The following SLC35D3 variants were observed in gnomAD, a reference collection of about 807,000 sequenced individuals.
The protein encoded by SLC35D3 is solute carrier family 35 member D3.
SLC35D3 carries 18 observed loss-of-function variants against 20.3 expected under a neutral mutation model. The observed-to-expected ratio is 0.89, with a 90% CI of 0.61 to 1.32. The LOEUF is 1.32. SLC35D3 is among the 40% of genes most tolerant of loss of function. The probability of loss-of-function intolerance (pLI) is 0.00; values close to 1 mark genes in which losing one functional copy is unlikely to be tolerated. For synonymous variants in SLC35D3, 313 were observed against 263.5 expected (o/e 1.19, Z -1.82); for missense variants, 556 against 565.5 (o/e 0.98, Z 0.17).
Position 136,924,397 on chromosome 6 carries a change from C to G in SLC35D3, c.952C>G (p.Pro318Ala). The change falls in exon 2 of 2, where the codon CCT becomes GCT. Residue 318 changes from proline (P) to alanine (A), a missense_variant. Pro to Ala is a conservative substitution (Grantham distance 27). Coordinates refer to ENST00000331858, the MANE Select transcript of SLC35D3 (RefSeq NM_001008783.3). ...QSNYEDLEAQ[P>A]RGEEAQLSGD... ...CAACTACGAGGACCTGGAGGCCCAG[C>G]CTCGGGGAGAGGAGGCGCAGCTAAG... is the stretch of plus-strand genomic sequence containing the variant. 6.2e-7 allele frequency: 1 copy of G among 1,614,034 alleles called. No homozygotes were observed. Among genetic ancestry groups the G allele is most frequent in the Non-Finnish European group, 8.5e-7 (1 of 1,179,998 alleles).
Position 136,922,830 on chromosome 6 carries a change from G to A in SLC35D3, c.402G>A (p.Ala134=). 6.4e-7 allele frequency: 1 copy of A among 1,552,750 alleles called. No homozygotes were observed. The highest frequency in any genetic ancestry group is 8.7e-7 in the Non-Finnish European group (1 of 1,150,924). ...KNGAPSPGVL[A]AVLITTCGAA... ...GCGCGCCCTCGCCAGGGGTGCTGGC[G>A]GCGGTGCTCATCACCACCTGCGGCG... Residue 134 remains alanine (A), a synonymous_variant, in exon 1 of 2, where the codon GCG becomes GCA. Coordinates refer to ENST00000331858, the MANE Select transcript of SLC35D3 (RefSeq NM_001008783.3). This position sits in a 1 kb window ranked among gnomAD's most constrained non-coding sequence, Gnocchi z 6.8.
At position 136,922,320 on chromosome 6, in the gene SLC35D3, T is replaced by TCGCCGCCGCGCTGGGCGGGCGC; in HGVS notation, c.-107_-86dup. The TCGCCGCCGCGCTGGGCGGGCGC allele has an allele frequency of 9.8e-7, 1 of 1,020,950 alleles. No individual in the cohort carries two copies. The highest frequency in any genetic ancestry group is 1.2e-6 in the Non-Finnish European group (1 of 816,548). 63.2% of individuals were successfully genotyped at this position (1,020,950 alleles called of 1,614,324 possible). ...CAGCCGAGCCGGCGCCCCCTGCCCT[T>TCGCCGCCGCGCTGGGCGGGCGC]CGCCGCCGCGCTGGGCGGGCGCCCC... On this transcript the variant is annotated 5_prime_UTR_variant, in exon 1 of 2. Transcript: ENST00000331858. This position sits in a 1 kb window ranked among gnomAD's most constrained non-coding sequence, Gnocchi z 6.8.
chr6:136,924,406 G>A lies in SLC35D3; in HGVS notation c.961G>A (p.Glu321Lys), dbSNP rs80151758. 628 of 1,614,060 alleles carry A rather than the reference G, an allele frequency of 3.9e-4. 3 individuals carry two copies. The African/African-American group carries it at 7.8e-3, about 20-fold the overall frequency. ...YEDLEAQPRG[E>K]EAQLSGDQLP... ...GGACCTGGAGGCCCAGCCTCGGGGA[G>A]AGGAGGCGCAGCTAAGTGGAGACCA... The change falls in exon 2 of 2, where the codon GAG becomes AAG. Residue 321 changes from glutamate (E) to lysine (K), a missense_variant. Transcript: ENST00000331858.
chr6:136,922,669 G>A lies in SLC35D3; in HGVS notation c.241G>A (p.Val81Ile), dbSNP rs757476650. ...GAGCCTGGCGCGCTCCTTCGCGGGG[G>A]TCGCGGTGCTCTCCACGCTGCAGTC... ...GLSLARSFAG[V>I]AVLSTLQSSL... The change falls in exon 1 of 2, where the codon GTC (valine) becomes ATC (isoleucine). Residue 81 changes from valine to isoleucine, a missense_variant. Coordinates refer to ENST00000331858, the MANE Select transcript of SLC35D3 (RefSeq NM_001008783.3). This position sits in a 1 kb window ranked among gnomAD's most constrained non-coding sequence, Gnocchi z 6.8. The A allele has an allele frequency of 3.1e-6, 5 of 1,606,150 alleles. No individual in the cohort carries two copies. The highest frequency in any genetic ancestry group is 2.7e-5 in the African/African-American group (2 of 74,844).
At position 136,923,819 on chromosome 6, in the gene SLC35D3, C is replaced by G. The variant is rs139797380; in HGVS notation, c.440-66C>G. 10,625 of 1,422,470 alleles carry G rather than the reference C, an allele frequency of 7.5e-3. 45 individuals carry two copies. The highest frequency in any genetic ancestry group is 8.5e-3 in the Non-Finnish European group (9,171 of 1,080,292). The allele number at this position is 1,422,470 out of a possible 1,614,324, so 88.1% of individuals were successfully genotyped here. A position where few individuals can be genotyped will look rare whatever the true frequency, so the allele number is the denominator to read the frequency against. On this transcript the variant is annotated intron_variant, in intron 1 of 1. Coordinates refer to ENST00000331858, the MANE Select transcript of SLC35D3 (RefSeq NM_001008783.3). This position sits in a 1 kb window ranked among gnomAD's most constrained non-coding sequence, Gnocchi z 6.2. ...TTTTCCCCGTGGGTCCCCGCCCACG[C>G]CAACCTGCTGTCTTCTCTCTTTTTC...
In SLC35D3 at chr6:136,923,568, C is replaced by T. The variant is rs1490396559; in HGVS notation, c.440-317C>T. Among the ~76,000 whole-genome samples the T allele has an allele frequency of 6.6e-6, 1 of 152,200 alleles. No individual in the cohort carries two copies. The highest frequency in any genetic ancestry group is 1.5e-5 in the Non-Finnish European group (1 of 68,028). ...CGCCCAAGTGACCTCGGTGCCAGCT[C>T]GGGGAAGCCACAGCACCTGCCCCGA... On this transcript the variant is annotated intron_variant, in intron 1 of 1. Coordinates refer to ENST00000331858, the MANE Select transcript of SLC35D3 (RefSeq NM_001008783.3). This position sits in a 1 kb window ranked among gnomAD's most constrained non-coding sequence, Gnocchi z 6.2.
chr6:136,924,537 G>C lies in SLC35D3; in HGVS notation c.1092G>C (p.Arg364Ser), dbSNP rs1582791167. The part of the protein sequence containing the change: ...GPAQESRQEV[R>S]GSPRGVPLVA... Reference sequence around the variant, plus strand: ...CTCAGGAGAGCAGGCAAGAGGTCAGGGGCAGCCCCCGAGGAGTCCCGCTGG... The same window carrying C: ...CTCAGGAGAGCAGGCAAGAGGTCAGCGGCAGCCCCCGAGGAGTCCCGCTGG... Residue 364 changes from arginine (R) to serine (S), a missense_variant, in exon 2 of 2, where the codon AGG becomes AGC. Coordinates refer to ENST00000331858, the MANE Select transcript of SLC35D3 (RefSeq NM_001008783.3). 6.2e-7 allele frequency: 1 copy of C among 1,613,436 alleles called. No individual in the cohort carries two copies. Among genetic ancestry groups the C allele is most frequent in the East Asian group, 2.2e-5 (1 of 44,876 alleles).
chr6:136,922,379 C>T lies in SLC35D3; in HGVS notation c.-50C>T. Reference sequence around the variant, plus strand: ...TCACTCCGCTGCTCCCGGCTCCTCGCGCGCAGGTCGCGGAGCTCCGCCACC... The same window carrying T: ...TCACTCCGCTGCTCCCGGCTCCTCGTGCGCAGGTCGCGGAGCTCCGCCACC... On this transcript the variant is annotated 5_prime_UTR_variant, in exon 1 of 2. Coordinates refer to ENST00000331858, the MANE Select transcript of SLC35D3 (RefSeq NM_001008783.3). This position sits in a 1 kb window ranked among gnomAD's most constrained non-coding sequence, Gnocchi z 6.8. The T allele has an allele frequency of 7.2e-7, 1 of 1,380,500 alleles. No individual in the cohort carries two copies. Among genetic ancestry groups the T allele is most frequent in the Non-Finnish European group, 9.3e-7 (1 of 1,074,406 alleles). 85.5% of individuals were successfully genotyped at this position (1,380,500 alleles called of 1,614,324 possible). A position where few individuals can be genotyped will look rare whatever the true frequency, so the allele number is the denominator to read the frequency against.
chr6:136,923,412 G>C lies in SLC35D3; in HGVS notation c.440-473G>C, dbSNP rs1184463220. 6.6e-6 allele frequency among the ~76,000 whole-genome samples: 1 copy of C among 152,160 alleles called. No homozygotes were observed. Among genetic ancestry groups the C allele is most frequent in the Non-Finnish European group, 1.5e-5 (1 of 68,030 alleles). ...AGCGAGACGAGAGCCTGGGCAGGGGGAAGCTTCACTGGGGGCCAGAACAGG... is the reference window on the plus strand; with the variant it reads ...AGCGAGACGAGAGCCTGGGCAGGGGCAAGCTTCACTGGGGGCCAGAACAGG... On this transcript the variant is annotated intron_variant, in intron 1 of 1. Transcript: ENST00000331858. This position sits in a 1 kb window ranked among gnomAD's most constrained non-coding sequence, Gnocchi z 6.2.
chr6:136,922,592 G>C lies in SLC35D3; in HGVS notation c.164G>C (p.Ser55Thr). Reference sequence around the variant, plus strand: ...CTGACCAGCTCCACCGCGGCGCTGAGCCTGGAGCTGCTGCGGCGCCTCGGG... The same window carrying C: ...CTGACCAGCTCCACCGCGGCGCTGACCCTGGAGCTGCTGCGGCGCCTCGGG... ...QCLTSSTAALSLELLRRLGLI... is the reference protein window; with the variant it reads ...QCLTSSTAALTLELLRRLGLI... Residue 55 changes from serine (S) to threonine (T), a missense_variant, in exon 1 of 2, where the codon AGC (serine) becomes ACC (threonine). By Grantham distance (58) the Ser-to-Thr change is moderately conservative (BLOSUM62 1). Transcript: ENST00000331858. The surrounding 1 kb of genome is among the most constrained non-coding windows in gnomAD (Gnocchi z 6.8). 6.2e-7 allele frequency: 1 copy of C among 1,612,174 alleles called. No individual in the cohort carries two copies. The highest frequency in any genetic ancestry group is 8.5e-7 in the Non-Finnish European group (1 of 1,179,716).
At position 136,923,529 on chromosome 6, in the gene SLC35D3, G is replaced by A. The variant is rs572705015; in HGVS notation, c.440-356G>A. Among the ~76,000 whole-genome samples, 3 of 152,210 alleles carry A rather than the reference G, an allele frequency of 2.0e-5. No homozygotes were observed. The highest frequency in any genetic ancestry group is 4.8e-5 in the African/African-American group (2 of 41,464). On this transcript the variant is annotated intron_variant, in intron 1 of 1. Transcript: ENST00000331858. The surrounding 1 kb of genome is among the most constrained non-coding windows in gnomAD (Gnocchi z 6.2). ...TGCCCCACGGGGCAGGGGCTCCGGG[G>A]TGCAGGTACCACGCGCCCAAGTGAC...
rs948472878 is a variant in SLC35D3, at chr6:136,923,854, C to T, written c.440-31C>T. On this transcript the variant is annotated intron_variant, in intron 1 of 1. Transcript: ENST00000331858. The surrounding 1 kb of genome is among the most constrained non-coding windows in gnomAD (Gnocchi z 6.2). ...GTCTTCTCTCTTTTTCCTTCCCGCC[C>T]GGGCTCGGCCGTCCTCCTCGTGCGC... 46 of 1,475,790 alleles carry T rather than the reference C, an allele frequency of 3.1e-5. No individual in the cohort carries two copies. In the African/African-American group the frequency reaches 5.3e-4, roughly 17 times the overall value. 91.4% of individuals were successfully genotyped at this position (1,475,790 alleles called of 1,614,324 possible).
At position 136,924,675 on chromosome 6, in the gene SLC35D3, C is replaced by T; in HGVS notation, c.1230C>T (p.Asn410=). 1 of 1,612,216 alleles carries T rather than the reference C, an allele frequency of 6.2e-7. No individual in the cohort carries two copies. ...RYMKKDYLIE[N]EELPSP ...TGAAGAAGGATTATTTGATAGAAAA[C>T]GAGGAGTTACCCAGTCCTTGAGAAG... The change falls in exon 2 of 2, where the codon AAC becomes AAT. Residue 410 remains asparagine (N), a synonymous_variant. Transcript: ENST00000331858.
Position 136,924,592 on chromosome 6 carries a change from A to G in SLC35D3, c.1147A>G (p.Arg383Gly). The change falls in exon 2 of 2, where the codon AGG becomes GGG. Residue 383 changes from arginine to glycine, a missense_variant. By Grantham distance (125) the Arg-to-Gly change is moderately radical. Transcript: ENST00000331858. ...TGGGAGCTCTGAAGAAGGGAGCAGG[A>G]GGTCGTTAAAAGATGCTTACCTCGA... ...VAGSSEEGSR[R>G]SLKDAYLEVW... 1.2e-6 allele frequency: 2 copies of G among 1,613,990 alleles called. No homozygotes were observed. The highest frequency in any genetic ancestry group is 1.7e-6 in the Non-Finnish European group (2 of 1,180,014).
chr6:136,922,789 C>A lies in SLC35D3; in HGVS notation c.361C>A (p.Leu121Met). ...CCTGGTCACCATGCTCATCGGCGTC[C>A]TGGTGCTCAAGAACGGCGCGCCCTC... Reference protein sequence around the residue: ...LPLVTMLIGVLVLKNGAPSPG... With the variant: ...LPLVTMLIGVMVLKNGAPSPG... Residue 121 changes from leucine to methionine, a missense_variant, in exon 1 of 2, where the codon CTG becomes ATG. Coordinates refer to ENST00000331858, the MANE Select transcript of SLC35D3 (RefSeq NM_001008783.3). This position sits in a 1 kb window ranked among gnomAD's most constrained non-coding sequence, Gnocchi z 6.8. 6.4e-7 allele frequency: 1 copy of A among 1,564,922 alleles called. No homozygotes were observed. Among genetic ancestry groups the A allele is most frequent in the Non-Finnish European group, 8.7e-7 (1 of 1,155,272 alleles).
Position 136,924,007 on chromosome 6 carries a change from A to T in SLC35D3, c.562A>T (p.Thr188Ser). Residue 188 changes from threonine to serine, a missense_variant, in exon 2 of 2, where the codon ACC becomes TCC. Coordinates refer to ENST00000331858, the MANE Select transcript of SLC35D3 (RefSeq NM_001008783.3). ...CGCAGACACCGAGCACGGGCCGCTC[A>T]CCGCGCAGTACGTCATCGCCGTCTC... is the stretch of plus-strand genomic sequence containing the variant. ...ASADTEHGPL[T>S]AQYVIAVSAT... 1 of 1,597,636 alleles carries T rather than the reference A, an allele frequency of 6.3e-7. No homozygotes were observed. Among genetic ancestry groups the T allele is most frequent in the Non-Finnish European group, 8.5e-7 (1 of 1,175,800 alleles).
At position 136,922,432 on chromosome 6, in the gene SLC35D3, C is replaced by G. The variant is rs1357727948; in HGVS notation, c.4C>G (p.Arg2Gly). Residue 2 changes from arginine (R) to glycine (G), a missense_variant, in exon 1 of 2, where the codon CGG becomes GGG. Coordinates refer to ENST00000331858, the MANE Select transcript of SLC35D3 (RefSeq NM_001008783.3). The surrounding 1 kb of genome is among the most constrained non-coding windows in gnomAD (Gnocchi z 6.8). The part of the protein sequence containing the change: M[R>G]QLCRGRVLGI... ...TGGGTGCGGCGAGGCCGGCGCGATG[C>G]GGCAGCTGTGCCGGGGCCGCGTGCT... is the stretch of plus-strand genomic sequence containing the variant. 6.4e-7 allele frequency: 1 copy of G among 1,560,222 alleles called. No individual in the cohort carries two copies. The highest frequency in any genetic ancestry group is 8.6e-7 in the Non-Finnish European group (1 of 1,156,690).
chr6:136,924,495 G>A lies in SLC35D3; in HGVS notation c.1050G>A (p.Glu350=). Residue 350 remains glutamate (E), a synonymous_variant, in exon 2 of 2, where the codon GAG becomes GAA. Transcript: ENST00000331858. ...EGGNGRSEGG[E]AAGGPAQESR... Reference sequence around the variant, plus strand: ...GAAATGGCCGGTCAGAAGGTGGGGAGGCAGCAGGTGGCCCCGCTCAGGAGA... The same window carrying A: ...GAAATGGCCGGTCAGAAGGTGGGGAAGCAGCAGGTGGCCCCGCTCAGGAGA... 6.2e-7 allele frequency: 1 copy of A among 1,613,498 alleles called. No homozygotes were observed. The highest frequency in any genetic ancestry group is 1.1e-5 in the South Asian group (1 of 91,052).
rs1776083643 is a variant in SLC35D3, at chr6:136,922,953, G to A, written c.439+86G>A. 24 of 1,348,694 alleles carry A rather than the reference G, an allele frequency of 1.8e-5. No homozygotes were observed. The highest frequency in any genetic ancestry group is 2.3e-5 in the Non-Finnish European group (23 of 1,018,790). 83.5% of individuals were successfully genotyped at this position (1,348,694 alleles called of 1,614,324 possible). The stretch of plus-strand genomic sequence containing the variant: ...GACCGCGGGGATCACTGAGTTCAAC[G>A]ACCTCACTTCCAGATGGGGAGACTG... On this transcript the variant is annotated intron_variant, in intron 1 of 1. Transcript: ENST00000331858. The surrounding 1 kb of genome is among the most constrained non-coding windows in gnomAD (Gnocchi z 6.8).
Sources: gnomAD v4.1 joint callset for allele counts (sites outside exome capture counted in the v4.1 genomes callset) on GRCh38, gnomAD v4.1.1 for gene constraint, Gnocchi (gnomAD v3.1) non-coding constraint, MANE v1.5 for transcripts, NCBI Gene and HGNC (gene_info 2026-07-23, HGNC 2026-07-21) for gene names.